The following GLYATL3 variants were observed in gnomAD, a reference collection of about 807,000 sequenced individuals.
GLYATL3 encodes glycine N-acyltransferase-like protein 3.
A neutral mutation model predicts 28.5 loss-of-function variants in GLYATL3; 31 were observed. The observed-to-expected ratio is 1.09, with a 90% CI of 0.82 to 1.47. The LOEUF (loss-of-function observed/expected upper bound fraction) is 1.47, where lower values mean the gene tolerates loss of function less well. Ranked by LOEUF, GLYATL3 falls within the 40% of genes most tolerant of loss-of-function variation. The pLI, the probability that GLYATL3 is intolerant of heterozygous loss-of-function variation, is 0.00. For synonymous variants in GLYATL3, 141 were observed against 140.2 expected, an observed-to-expected ratio of 1.01 and a Z score of -0.04; for missense variants, 369 against 351.5, an observed-to-expected ratio of 1.05 and a Z score of -0.40.
chr6:49,511,483 C>T (rs1050204535), intron 1 of GLYATL3, among the ~76,000 whole-genome samples: 3 of 152,118 alleles, frequency 2.0e-5, no homozygotes, highest in Admixed American at 6.5e-5. Flanking sequence ...CAACTTAGCT[C>T]GAGGTTCTTA....
intron 4 of GLYATL3, among the ~76,000 whole-genome samples, chr6:49,518,973 G>T (rs932289633): frequency 1.3e-5 from 2 of 151,938 alleles, no homozygotes. Context: ...TCGTAAATGC[G>T]CAAAAAGACC....
intron 1 of GLYATL3, among the ~76,000 whole-genome samples, chr6:49,501,813 C>A (rs1373337439): frequency 6.6e-6 from 1 of 152,134 alleles, no homozygotes; most frequent in Admixed American, 6.5e-5. Flanking sequence ...CGTGTTATAG[C>A]CCTATCTTAT....
chr6:49,500,249 A>C (rs1429202220), intron 1 of GLYATL3, among the ~76,000 whole-genome samples: 1 of 152,072 alleles, frequency 6.6e-6, no homozygotes, highest in Admixed American at 6.6e-5. Flanking sequence ...ATATGAGGAA[A>C]ATTTTTACTC....
Position 49,526,358 on chromosome 6 carries a change from A to G in GLYATL3, c.441-130A>G, listed in dbSNP as rs1581874997. 3 of 716,120 alleles carry G rather than the reference A, an allele frequency of 4.2e-6. No individual in the cohort carries two copies. The East Asian group carries it at 8.2e-5, about 20-fold the overall frequency. 44.4% of individuals were successfully genotyped at this position (716,120 alleles called of 1,614,324 possible). On this transcript the variant is annotated intron_variant, in intron 5 of 5. Coordinates refer to ENST00000371197, the MANE Select transcript of GLYATL3 (RefSeq NM_001010904.2). ...AACCCGGGAGGCAGAGGTTGCAGTG[A>G]GCAGAGATCACGCCACTGCACTCCA...
chr6:49,522,181 G>T (rs939085388), intron 5 of GLYATL3, among the ~76,000 whole-genome samples: 1 of 152,002 alleles, frequency 6.6e-6, no homozygotes, highest in African/African-American at 2.4e-5. Context: ...GCTCTTATGT[G>T]TCAGGGACTA....
chr6:49,517,097 G>A (rs897029941), intron 3 of GLYATL3, among the ~76,000 whole-genome samples: 17 of 145,928 alleles, frequency 1.2e-4, no homozygotes, highest in South Asian at 2.2e-4. Context: ...TGCAATCTCC[G>A]CCTCCCCAGT....
At chr6:49,519,117 T>C (rs909360379) in intron 4 of GLYATL3, among the ~76,000 whole-genome samples, 1 of 152,150 alleles carries the variant, frequency 6.6e-6, no homozygotes, top group African/African-American at 2.4e-5. Context: ...TACTTTAACA[T>C]GGAAATGAAT....
intron 3 of GLYATL3, among the ~76,000 whole-genome samples, chr6:49,516,172 C>T (rs1769212595): frequency 6.6e-6 from 1 of 152,060 alleles, no homozygotes; most frequent in African/African-American, 2.4e-5. Context: ...ATCTCGAACT[C>T]CTGACCTCAG....
chr6:49,510,957 C>T (rs972681881), intron 1 of GLYATL3, among the ~76,000 whole-genome samples: 1 of 152,140 alleles, frequency 6.6e-6, no homozygotes, highest in African/African-American at 2.4e-5. Context: ...TTCAGGGTAT[C>T]TTGTAATCAC....
chr6:49,512,641 T>C (rs536364586), intron 2 of GLYATL3, among the ~76,000 whole-genome samples: 2 of 152,328 alleles, frequency 1.3e-5, no homozygotes, highest in Non-Finnish European at 2.9e-5. Context: ...GAGGTTTAGA[T>C]CTTGTTATAA....
In GLYATL3 at chr6:49,503,084, A is replaced by G. The variant is rs931721154; in HGVS notation, c.-29+3042A>G. ...TTTTATTGGACTCCATATAGATAGT[A>G]TATTTATTTTGGGATGGTACTCTTT... On this transcript the variant is annotated intron_variant, in intron 1 of 5. Coordinates refer to ENST00000371197, the MANE Select transcript of GLYATL3 (RefSeq NM_001010904.2). Among the ~76,000 whole-genome samples, 5 of 151,044 alleles carry G rather than the reference A, an allele frequency of 3.3e-5. No homozygotes were observed. In the East Asian group the frequency reaches 7.8e-4, roughly 24 times the overall value.
At chr6:49,514,297 C>T (rs1046363700) in intron 2 of GLYATL3, among the ~76,000 whole-genome samples, 13 of 152,094 alleles carry the variant, frequency 8.5e-5, no homozygotes, top group East Asian at 1.9e-4. Context: ...GTATCTTTTT[C>T]GTATCTAACT....
intron 5 of GLYATL3, among the ~76,000 whole-genome samples, chr6:49,523,320 A>T (rs1317275871): frequency 6.6e-6 from 1 of 152,198 alleles, no homozygotes; most frequent in Non-Finnish European, 1.5e-5. Flanking sequence ...GGCCTCCCCA[A>T]ATGATGGGAT....
Position 49,517,509 on chromosome 6 carries a change from T to C in GLYATL3, c.266T>C (p.Leu89Ser), listed in dbSNP as rs375109506. Residue 89 changes from leucine (L) to serine (S), a missense_variant, in exon 4 of 6, where the codon TTG becomes TCG. Leu to Ser is a moderately radical substitution (Grantham distance 145, BLOSUM62 -2). Coordinates refer to ENST00000371197, the MANE Select transcript of GLYATL3 (RefSeq NM_001010904.2). The part of the protein sequence containing the change: ...YKDVRAYRQL[L>S]EECDVFNWDQ... ...GATGTCAGGGCTTATCGACAGCTAT[T>C]GGAAGAATGTGATGTTTTTAACTGG... 6.4e-7 allele frequency: 1 copy of C among 1,550,994 alleles called. No homozygotes were observed. Among genetic ancestry groups the C allele is most frequent in the African/African-American group, 1.4e-5 (1 of 73,016 alleles).
intron 5 of GLYATL3, among the ~76,000 whole-genome samples, chr6:49,526,175 G>C (rs1249423196): frequency 6.6e-6 from 1 of 152,086 alleles, no homozygotes; most frequent in Non-Finnish European, 1.5e-5. Context: ...CAGCTCTTTG[G>C]GAGGCCGGGA....
At chr6:49,517,754 T>C (rs1308671043) in intron 4 of GLYATL3, among the ~76,000 whole-genome samples, 198 bp downstream of exon 4, 2 of 152,166 alleles carry the variant, frequency 1.3e-5, no homozygotes, top group African/African-American at 2.4e-5. Context: ...ATTTGTCACT[T>C]CTAATGAGGC....
chr6:49,526,830 G>T lies in GLYATL3; in HGVS notation c.783G>T (p.Lys261Asn). 1 of 1,552,204 alleles carries T rather than the reference G, an allele frequency of 6.4e-7. No individual in the cohort carries two copies. The highest frequency in any genetic ancestry group is 1.2e-5 in the South Asian group (1 of 84,060). Residue 261 changes from lysine to asparagine, a missense_variant, in exon 6 of 6, where the codon AAG becomes AAT. Lys to Asn is a moderately conservative substitution (Grantham distance 94). Transcript: ENST00000371197. ...ACACGGCGTCTATAAGCCTCCTGAA[G>T]AGTCTCCATGCTGAGTTCTTGCCTT... The part of the protein sequence containing the change: ...DDNTASISLL[K>N]SLHAEFLPCR...
intron 5 of GLYATL3, among the ~76,000 whole-genome samples, chr6:49,524,398 G>A (rs569610942): frequency 1.3e-5 from 2 of 152,160 alleles, no homozygotes; most frequent in Non-Finnish European, 1.5e-5. Context: ...ATCTCTTACC[G>A]GTCACTGGGG....
At chr6:49,516,933 G>A (rs9395502) in intron 3 of GLYATL3, among the ~76,000 whole-genome samples, 35,296 of 151,484 alleles carry the variant, frequency 0.23, 5,206 homozygotes, top group Middle Eastern at 0.36. Flanking sequence ...CTAGGCGGGC[G>A]GATCATGAGG....
Sources: allele counts gnomAD v4.1 joint callset (sites outside exome capture counted in the v4.1 genomes callset), GRCh38; gene constraint gnomAD v4.1.1; transcripts MANE v1.5; gene names NCBI Gene and HGNC (gene_info 2026-07-23, HGNC 2026-07-21).